The following TRAPPC11 variants were observed in gnomAD, a reference collection of about 807,000 sequenced individuals.
The protein encoded by TRAPPC11 is foie gras homolog.
A neutral mutation model predicts 151.2 loss-of-function variants in TRAPPC11; 104 were observed. That is an observed-to-expected ratio of 0.69 (90% CI 0.59 to 0.81). TRAPPC11 has a LOEUF of 0.81. Among genes scored for constraint, TRAPPC11 ranks in the 30% least tolerant of loss-of-function variants. The pLI, the probability that TRAPPC11 is intolerant of heterozygous loss-of-function variation, is 0.00. For missense variants in TRAPPC11, 1,230 were observed against 1,349.6 expected (o/e 0.91, Z 1.39); for synonymous variants, 456 against 472.3 (o/e 0.97, Z 0.45).
rs150594954 is a variant in TRAPPC11 at position 183,698,021 on chromosome 4, C to T, written c.2851+186C>T. ...TTAGTGTCATTTATAATACCATTTG[C>T]TTGAGTATACCTGATTTTAAAAGGT... On this transcript the variant is annotated intron_variant, in intron 25 of 29. Transcript: ENST00000334690. Among the ~76,000 whole-genome samples, 362 of 152,264 alleles carry T rather than the reference C, an allele frequency of 2.4e-3. 1 individual carries two copies. The highest frequency in any genetic ancestry group is 8.3e-3 in the African/African-American group (343 of 41,562).
intron 8 of TRAPPC11, among the ~76,000 whole-genome samples, chr4:183,679,069 G>T (rs768223521): frequency 6.6e-6 from 1 of 152,122 alleles, no homozygotes; most frequent in Admixed American, 6.5e-5. Context: ...CTTCATTGGG[G>T]ATAATTTTTA....
intron 1 of TRAPPC11, among the ~76,000 whole-genome samples, chr4:183,661,410 C>G (rs561374869): frequency 4.2e-5 from 5 of 119,574 alleles, no homozygotes; most frequent in African/African-American, 1.6e-4. Flanking sequence ...CTCGCTCTGT[C>G]GCCCAGGCTG....
At chr4:183,696,863 C>G (rs1736564326) in intron 23 of TRAPPC11, among the ~76,000 whole-genome samples, 1 of 152,126 alleles carries the variant, frequency 6.6e-6, no homozygotes, top group African/African-American at 2.4e-5. Context: ...GTGTCTGTCA[C>G]ATTACATTAT....
rs772500441 is a variant in TRAPPC11 at position 183,679,378 on chromosome 4, A to G, written c.857A>G (p.Asn286Ser). 1.9e-6 allele frequency: 3 copies of G among 1,611,504 alleles called. No homozygotes were observed. Among genetic ancestry groups the G allele is most frequent in the Non-Finnish European group, 8.5e-7 (1 of 1,178,990 alleles). ...YKICRLCFQH[N>S]TPLDAIAQFR... ...ATCTGTAGGCTGTGTTTTCAACACA[A>G]CACCCCATTGGATGCAATTGCTCAG... The change falls in exon 9 of 30, where the codon AAC becomes AGC. Residue 286 changes from asparagine to serine, a missense_variant. Coordinates refer to ENST00000334690, the MANE Select transcript of TRAPPC11 (RefSeq NM_021942.6).
Position 183,679,685 on chromosome 4 carries a change from G to T in TRAPPC11, c.965+199G>T, listed in dbSNP as rs370883684. On this transcript the variant is annotated intron_variant, in intron 9 of 29. Coordinates refer to ENST00000334690, the MANE Select transcript of TRAPPC11 (RefSeq NM_021942.6). ...CCTTAATGGGAATTATTTAATTCAT[G>T]GTACCATCTTTTTCATTCAGCATAT... Among the ~76,000 whole-genome samples the T allele has an allele frequency of 2.1e-3, 318 of 152,236 alleles. 2 individuals are homozygous for T. The highest frequency in any genetic ancestry group is 7.3e-3 in the African/African-American group (301 of 41,512).
intron 26 of TRAPPC11, among the ~76,000 whole-genome samples, chr4:183,702,429 A>G (rs923869812): frequency 2.0e-5 from 3 of 152,158 alleles, no homozygotes; most frequent in African/African-American, 7.2e-5. Flanking sequence ...TCAATAGAAA[A>G]GAGAATAAAT....
At chr4:183,677,414 G>C (rs780292773) in intron 7 of TRAPPC11, 44 bp from the exon 8 acceptor site, 2 of 1,141,178 alleles carry the variant, frequency 1.8e-6, no homozygotes, top group South Asian at 2.6e-5. Context: ...CTTAGAAATC[G>C]TTTATTAAAC....
At chr4:183,668,997 C>T (rs7684339) in intron 5 of TRAPPC11, among the ~76,000 whole-genome samples, 25,092 of 152,002 alleles carry the variant, frequency 0.17, 2,352 homozygotes, top group East Asian at 0.29. Context: ...GAAAATGATC[C>T]GCTGCAGGAG....
In TRAPPC11 at chr4:183,685,302, A is replaced by T; in HGVS notation, c.1661A>T (p.Asp554Val). ...NESPDPEPDC[D>V]ILAVKTAQKL... is the part of the protein sequence containing the mutation. ...AGTCCTGATCCAGAACCCGACTGTG[A>T]TATCTTAGCTGTGAAAACTGCTCAG... Residue 554 changes from aspartate to valine, a missense_variant, in exon 17 of 30, where the codon GAT becomes GTT. Coordinates refer to ENST00000334690, the MANE Select transcript of TRAPPC11 (RefSeq NM_021942.6). 6.2e-7 allele frequency: 1 copy of T among 1,614,134 alleles called. No homozygotes were observed. Among genetic ancestry groups the T allele is most frequent in the Non-Finnish European group, 8.5e-7 (1 of 1,180,000 alleles).
Position 183,706,788 on chromosome 4 carries a change from G to A in TRAPPC11, c.3056-19G>A, listed in dbSNP as rs1561064890. The A allele has an allele frequency of 6.2e-7, 1 of 1,603,810 alleles. No homozygotes were observed. The highest frequency in any genetic ancestry group is 8.5e-7 in the Non-Finnish European group (1 of 1,173,514). On this transcript the variant is annotated intron_variant, in intron 27 of 29. Coordinates refer to ENST00000334690, the MANE Select transcript of TRAPPC11 (RefSeq NM_021942.6). Reference sequence around the variant, plus strand: ...AGCTATTTTTTAAACCAAGAGAAGTGTGTCATCTTTCTCTGTAGATCTGCC... The same window carrying A: ...AGCTATTTTTTAAACCAAGAGAAGTATGTCATCTTTCTCTGTAGATCTGCC...
At chr4:183,660,781 T>C (rs1734446779) in intron 1 of TRAPPC11, among the ~76,000 whole-genome samples, 2 of 152,172 alleles carry the variant, frequency 1.3e-5, no homozygotes, top group African/African-American at 2.4e-5. Flanking sequence ...TGGTGCGATC[T>C]CGGCTCACTG....
At chr4:183,694,100 T>G in intron 22 of TRAPPC11, 62 bp downstream of exon 22, 1 of 1,577,868 alleles carries the variant, frequency 6.3e-7, no homozygotes, top group South Asian at 1.1e-5. Flanking sequence ...AAATATATAG[T>G]GAGTTTTTAA....
chr4:183,699,014 T>G (rs1426331409), intron 25 of TRAPPC11, among the ~76,000 whole-genome samples: 1 of 152,192 alleles, frequency 6.6e-6, no homozygotes, highest in African/African-American at 2.4e-5. Context: ...AACTGTTTTC[T>G]TCCTTGGCAG....
intron 29 of TRAPPC11, among the ~76,000 whole-genome samples, chr4:183,711,179 A>T (rs1029538444): frequency 1.2e-4 from 18 of 152,140 alleles, no homozygotes; most frequent in African/African-American, 3.9e-4. Context: ...TTATTGGACA[A>T]TCACTGACTA....
intron 29 of TRAPPC11, 70 bp from the exon 30 acceptor site, chr4:183,712,526 ATCCT>A: frequency 7.2e-7 from 1 of 1,391,668 alleles, no homozygotes; most frequent in Non-Finnish European, 1.0e-6. Flanking sequence ...GAATTTAAAA[ATCCT>A]TCCAGTTAAT....
At chr4:183,665,188 G>A (rs1336604014) in intron 2 of TRAPPC11, among the ~76,000 whole-genome samples, 7 of 140,242 alleles carry the variant, frequency 5.0e-5, no homozygotes, top group South Asian at 2.2e-4. Flanking sequence ...TCCGCCTCCT[G>A]GGTTCGTGCC....
Position 183,677,488 on chromosome 4 carries a change from C to T in TRAPPC11, c.765C>T (p.His255=), listed in dbSNP as rs767131430. ...KNYRTAYNLV[H]ELRAHETNIL... ...ATAGGACCGCCTATAATCTTGTACACGAATTGAGAGCCCATGAAACTAATA... is the reference window on the plus strand; with the variant it reads ...ATAGGACCGCCTATAATCTTGTACATGAATTGAGAGCCCATGAAACTAATA... Residue 255 remains histidine (H), a synonymous_variant, in exon 8 of 30, where the codon CAC becomes CAT. Coordinates refer to ENST00000334690, the MANE Select transcript of TRAPPC11 (RefSeq NM_021942.6). 49 of 1,608,228 alleles carry T rather than the reference C, an allele frequency of 3.0e-5. No homozygotes were observed. The highest frequency in any genetic ancestry group is 1.7e-4 in the Middle Eastern group (1 of 6,044).
chr4:183,701,882 A>G (rs944389537), intron 26 of TRAPPC11, 74 bp downstream of exon 26: 3 of 1,028,464 alleles, frequency 2.9e-6, no homozygotes, highest in South Asian at 2.7e-5. Flanking sequence ...CATCTTTGTC[A>G]CTTAATATTT....
chr4:183,703,826 AT>A (rs1736914648), intron 26 of TRAPPC11, among the ~76,000 whole-genome samples: 1 of 152,214 alleles, frequency 6.6e-6, no homozygotes, highest in Admixed American at 6.5e-5. Context: ...CAGGGAAAAT[AT>A]TTAACAGTTT....
Sources: allele counts gnomAD v4.1 joint callset (sites outside exome capture counted in the v4.1 genomes callset), GRCh38; gene constraint gnomAD v4.1.1; transcripts MANE v1.5; gene names NCBI Gene and HGNC (gene_info 2026-07-23, HGNC 2026-07-21).